TRIP12: variants seen among roughly 807,000 people sequenced by gnomAD.
TRIP12 encodes E3 ubiquitin-protein ligase TRIP12.
A neutral mutation model predicts 244.2 loss-of-function variants in TRIP12; 25 were observed. That is an observed-to-expected ratio of 0.10 (90% CI 0.07 to 0.14). TRIP12 has a LOEUF of 0.14. Among genes scored for constraint, TRIP12 ranks in the 10% least tolerant of loss-of-function variants. The probability of loss-of-function intolerance (pLI) is 1.00; values close to 1 mark genes in which losing one functional copy is unlikely to be tolerated. For missense variants in TRIP12, 1,677 were observed against 2,486.4 expected (o/e 0.67, Z 6.92); for synonymous variants, 905 against 873.1 (o/e 1.04, Z -0.64).
chr2:229,769,978 C>A (rs1559281865), intron 39 of TRIP12, among the ~76,000 whole-genome samples: 1 of 152,032 alleles, frequency 6.6e-6, no homozygotes, highest in African/African-American at 2.4e-5. Context: ...CTGTCTGGTC[C>A]TATATATTTA....
chr2:229,780,606 C>A (rs979954254), intron 34 of TRIP12, among the ~76,000 whole-genome samples: 4 of 152,114 alleles, frequency 2.6e-5, no homozygotes, highest in African/African-American at 9.7e-5. Context: ...TCTCTATGCT[C>A]GAGCCACACT....
rs551007295 is a variant in TRIP12, at chr2:229,830,246, C to T, written c.1354+510G>A. On this transcript the variant is annotated intron_variant, in intron 7 of 41. Transcript: ENST00000675903. ...AAGAAGACAAAAAACCATGGCCAAA[C>T]GCCTTATTAAAACCCATTTATGCTG... Among the ~76,000 whole-genome samples, 5 of 152,228 alleles carry T rather than the reference C, an allele frequency of 3.3e-5. No homozygotes were observed. In the South Asian group the frequency reaches 8.3e-4, roughly 25 times the overall value.
rs1472771131 is a variant in TRIP12, at chr2:229,829,182, T to G, written c.1450+11A>C. ...ATTGAGGGATTTCAGGGAAGGAACATTTTTACTTACTAGCTCCACTTCCAA... is the reference window on the plus strand; with the variant it reads ...ATTGAGGGATTTCAGGGAAGGAACAGTTTTACTTACTAGCTCCACTTCCAA... On this transcript the variant is annotated intron_variant, in intron 8 of 41. Coordinates refer to ENST00000675903, the MANE Select transcript of TRIP12 (RefSeq NM_001348323.3). 6.2e-7 allele frequency: 1 copy of G among 1,612,786 alleles called. No individual in the cohort carries two copies. The highest frequency in any genetic ancestry group is 8.5e-7 in the Non-Finnish European group (1 of 1,179,192).
At chr2:229,812,403 A>C (rs950646756) in intron 13 of TRIP12, among the ~76,000 whole-genome samples, 1 of 152,222 alleles carries the variant, frequency 6.6e-6, no homozygotes, top group African/African-American at 2.4e-5. Context: ...TTTAAAAATA[A>C]ACACATAAAC....
intron 1 of TRIP12, among the ~76,000 whole-genome samples, chr2:229,883,612 A>G (rs1011211601): frequency 1.3e-5 from 2 of 152,186 alleles, no homozygotes; most frequent in East Asian, 1.9e-4. Context: ...TGTAAAACTA[A>G]TCAAGATTTT....
Position 229,791,017 on chromosome 2 carries a change from C to T in TRIP12, c.4543+107G>A, listed in dbSNP as rs722268. ...GTTTGTAATGTCATTTATTTCTCAACTATATTCAAAAATTTTACTACTAAA... is the reference window on the plus strand; with the variant it reads ...GTTTGTAATGTCATTTATTTCTCAATTATATTCAAAAATTTTACTACTAAA... On this transcript the variant is annotated intron_variant, in intron 30 of 41. Coordinates refer to ENST00000675903, the MANE Select transcript of TRIP12 (RefSeq NM_001348323.3). 0.89 allele frequency: 1,241,189 copies of T among 1,394,348 alleles called. 553,780 individuals carry two copies. The highest frequency in any genetic ancestry group is 1 in the East Asian group (43,503 of 43,520). 86.4% of individuals were successfully genotyped at this position (1,394,348 alleles called of 1,614,324 possible).
chr2:229,828,998 G>C (rs1209033847), intron 8 of TRIP12, among the ~76,000 whole-genome samples, 195 bp downstream of exon 8: 1 of 152,104 alleles, frequency 6.6e-6, no homozygotes, highest in Non-Finnish European at 1.5e-5. Flanking sequence ...TGTTCAAACA[G>C]AATCAATCTC....
chr2:229,825,674 G>A (rs2051358195), intron 8 of TRIP12, among the ~76,000 whole-genome samples: 1 of 152,146 alleles, frequency 6.6e-6, no homozygotes, highest in South Asian at 2.1e-4. Context: ...ACACCCCCAT[G>A]ATTCAATTAC....
intron 1 of TRIP12, among the ~76,000 whole-genome samples, chr2:229,895,226 T>C (rs2068480299): frequency 6.6e-6 from 1 of 151,914 alleles, no homozygotes. Context: ...AATAAAATAA[T>C]AAAGCTCAGA....
rs201878374 is a variant in TRIP12 at position 229,879,998 on chromosome 2, C to T, written c.82G>A (p.Asp28Asn). ...AATACATACCTTCCTCCTATTGAGT[C>T]GTCTTGTGGTTGGGCCCCGGCAGTG... Reference protein sequence around the residue: ...RNTAGAQPQDDSIGGRSHLGQ... With the variant: ...RNTAGAQPQDNSIGGRSHLGQ... Residue 28 changes from aspartate to asparagine, a missense_variant, in exon 2 of 42, where the codon GAC (aspartate) becomes AAC (asparagine). By Grantham distance (23) the Asp-to-Asn change is conservative. Transcript: ENST00000675903. 11 of 1,614,040 alleles carry T rather than the reference C, an allele frequency of 6.8e-6. No homozygotes were observed. Among genetic ancestry groups the T allele is most frequent in the East Asian group, 2.2e-5 (1 of 44,882 alleles).
intron 34 of TRIP12, among the ~76,000 whole-genome samples, chr2:229,782,278 GCCT>G (rs1213581373): frequency 6.6e-6 from 1 of 151,866 alleles, no homozygotes; most frequent in Non-Finnish European, 1.5e-5. Flanking sequence ...ACTCCATCTG[GCCT>G]CCTCCTTTCT....
rs1443291098 is a variant in TRIP12 at position 229,860,483 on chromosome 2, A to G, written c.147T>C (p.Ser49=). The change falls in exon 3 of 42, where the codon AGT becomes AGC. Residue 49 remains serine (S), a synonymous_variant. Transcript: ENST00000675903. ...AKHKGYSPPE[S]RKSNSKAPKV... The stretch of plus-strand genomic sequence containing the variant: ...TGGGTGCCTTAGAATTAGATTTTCT[A>G]CTCTCAGGAGGGCTATATCCCTTAT... The G allele has an allele frequency of 1.2e-6, 2 of 1,611,850 alleles. No individual in the cohort carries two copies. Among genetic ancestry groups the G allele is most frequent in the Non-Finnish European group, 1.7e-6 (2 of 1,179,388 alleles).
At chr2:229,769,541 C>T (rs2033392871) in intron 39 of TRIP12, among the ~76,000 whole-genome samples, 1 of 151,898 alleles carries the variant, frequency 6.6e-6, no homozygotes, top group Non-Finnish European at 1.5e-5. Context: ...GTACCCTGCC[C>T]ATCTGCAGGG....
intron 8 of TRIP12, among the ~76,000 whole-genome samples, chr2:229,823,684 A>AC (rs1483899833): frequency 1.3e-4 from 19 of 151,590 alleles, no homozygotes; most frequent in East Asian, 5.8e-4. Context: ...CAAAAAAAAA[A>AC]AACAACAACA....
intron 1 of TRIP12, among the ~76,000 whole-genome samples, chr2:229,903,851 T>G (rs2071812268): frequency 6.9e-6 from 1 of 144,666 alleles, no homozygotes; most frequent in Admixed American, 7.0e-5. Flanking sequence ...CCCCATGTTG[T>G]CTCTACCAAA....
intron 8 of TRIP12, among the ~76,000 whole-genome samples, chr2:229,827,147 G>C (rs762619728): frequency 3.9e-5 from 6 of 151,948 alleles, no homozygotes; most frequent in Non-Finnish European, 7.4e-5. Context: ...AGACGTGGTG[G>C]CACGTGCCTG....
In TRIP12 at chr2:229,807,717, C is replaced by A. The variant is rs780520309; in HGVS notation, c.2487G>T (p.Arg829=). The change falls in exon 17 of 42, where the codon CGG becomes CGT. Residue 829 remains arginine, a synonymous_variant. Coordinates refer to ENST00000675903, the MANE Select transcript of TRIP12 (RefSeq NM_001348323.3). ...LWHPYNRIDS[R]IIEAAHQVGE... ...ACGATGAAACTACTACCTCAATGAT[C>A]CGGCTGTCAATCCTGTTATATGGAT... The A allele has an allele frequency of 8.4e-5, 136 of 1,614,032 alleles. No homozygotes were observed. The highest frequency in any genetic ancestry group is 1.7e-5 in the Admixed American group (1 of 60,004).
chr2:229,812,900 AT>A (rs1268696517), intron 13 of TRIP12, among the ~76,000 whole-genome samples: 1 of 152,226 alleles, frequency 6.6e-6, no homozygotes, highest in Non-Finnish European at 1.5e-5. Context: ...TGTAATGGCA[AT>A]TTTAAAGCCA....
chr2:229,833,670 T>C (rs1213547486), intron 6 of TRIP12, among the ~76,000 whole-genome samples: 2 of 152,208 alleles, frequency 1.3e-5, no homozygotes, highest in Non-Finnish European at 2.9e-5. Flanking sequence ...GCCATACCTC[T>C]GATAGCAAGT....
Sources: allele counts gnomAD v4.1 joint callset (sites outside exome capture counted in the v4.1 genomes callset), GRCh38; gene constraint gnomAD v4.1.1; transcripts MANE v1.5; gene names NCBI Gene and HGNC (gene_info 2026-07-23, HGNC 2026-07-21).